Variants in ZDHHC14 observed in about 807,000 individuals in gnomAD.
The protein encoded by ZDHHC14 is zDHHC palmitoyltransferase 14.
ZDHHC14 carries 16 observed loss-of-function variants against 47.7 expected under a neutral mutation model. The observed-to-expected ratio is 0.34, with a 90% CI of 0.23 to 0.51. The LOEUF (loss-of-function observed/expected upper bound fraction) is 0.51, where lower values mean the gene tolerates loss of function less well. ZDHHC14 is among the 20% of genes least tolerant of loss of function. ZDHHC14 has a pLI of 0.97. For synonymous variants in ZDHHC14, 293 were observed against 278.9 expected, an observed-to-expected ratio of 1.05 and a Z score of -0.50; for missense variants, 515 against 662.5, an observed-to-expected ratio of 0.78 and a Z score of 2.44.
intron 1 of ZDHHC14, among the ~76,000 whole-genome samples, chr6:157,426,903 G>C (rs928059070): frequency 2.0e-5 from 3 of 152,242 alleles, no homozygotes; most frequent in African/African-American, 7.2e-5. Context: ...GGGTTGAAAA[G>C]TGACAGCTGG....
chr6:157,545,701 G>A (rs1385248436), intron 2 of ZDHHC14, among the ~76,000 whole-genome samples: 1 of 151,838 alleles, frequency 6.6e-6, no homozygotes, highest in African/African-American at 2.4e-5. Context: ...TAGAAGGAGG[G>A]TGGGAAGGGA....
At chr6:157,455,396 G>A (rs568330085) in intron 1 of ZDHHC14, among the ~76,000 whole-genome samples, 1 of 152,346 alleles carries the variant, frequency 6.6e-6, no homozygotes. Context: ...GGCCTGGAAG[G>A]GTGACGCTGG....
At chr6:157,484,897 C>T (rs775361774) in intron 1 of ZDHHC14, among the ~76,000 whole-genome samples, 1 of 151,724 alleles carries the variant, frequency 6.6e-6, no homozygotes, top group Non-Finnish European at 1.5e-5. Flanking sequence ...AAAATAATAG[C>T]GACCAGCCTG....
chr6:157,580,889 T>G (rs992230317), intron 2 of ZDHHC14, among the ~76,000 whole-genome samples: 3 of 152,086 alleles, frequency 2.0e-5, no homozygotes, highest in African/African-American at 7.2e-5. Context: ...TTGTTGATGT[T>G]TTATATGTTT....
intron 2 of ZDHHC14, among the ~76,000 whole-genome samples, chr6:157,567,771 A>C (rs1782959090): frequency 6.7e-6 from 1 of 148,798 alleles, no homozygotes; most frequent in Non-Finnish European, 1.5e-5. Context: ...AGATCACACC[A>C]TTGCACTCCA....
chr6:157,421,855 G>T (rs374413569), intron 1 of ZDHHC14, among the ~76,000 whole-genome samples: 1 of 152,126 alleles, frequency 6.6e-6, no homozygotes, highest in Non-Finnish European at 1.5e-5. Flanking sequence ...TGATCCACCC[G>T]CCTTGGCCTC....
At chr6:157,483,807 C>A (rs964772306) in intron 1 of ZDHHC14, among the ~76,000 whole-genome samples, 4 of 152,212 alleles carry the variant, frequency 2.6e-5, no homozygotes, top group Admixed American at 1.3e-4. Context: ...TTTTGGGGAA[C>A]TTTAAGATGC....
chr6:157,511,237 C>T (rs902750671), intron 1 of ZDHHC14, among the ~76,000 whole-genome samples: 4 of 152,160 alleles, frequency 2.6e-5, no homozygotes, highest in Non-Finnish European at 5.9e-5. Context: ...AACTGTGGGG[C>T]GGGAAGCAGG....
chr6:157,445,475 A>G (rs1289999957), intron 1 of ZDHHC14, among the ~76,000 whole-genome samples: 3 of 152,158 alleles, frequency 2.0e-5, no homozygotes, highest in Non-Finnish European at 4.4e-5. Context: ...AACAGTTTCT[A>G]TTTTTAAAGC....
chr6:157,551,057 G>T (rs1388045623), intron 2 of ZDHHC14, among the ~76,000 whole-genome samples: 1 of 152,174 alleles, frequency 6.6e-6, no homozygotes, highest in Non-Finnish European at 1.5e-5. Context: ...TGGAAAACTT[G>T]GGACCACATG....
intron 1 of ZDHHC14, among the ~76,000 whole-genome samples, chr6:157,383,502 T>C (rs1286713122): frequency 1.3e-5 from 2 of 152,180 alleles, no homozygotes; most frequent in East Asian, 1.9e-4. Flanking sequence ...GCTGTCTCAA[T>C]TGGAAATGAA....
At chr6:157,445,791 A>G (rs1562427882) in intron 1 of ZDHHC14, among the ~76,000 whole-genome samples, 2 of 151,560 alleles carry the variant, frequency 1.3e-5, no homozygotes, top group East Asian at 1.9e-4. Context: ...GAGAGAGAGA[A>G]AGAGAGAGAG....
chr6:157,482,474 G>A (rs1048585124), intron 1 of ZDHHC14, among the ~76,000 whole-genome samples: 7 of 151,484 alleles, frequency 4.6e-5, no homozygotes, highest in Non-Finnish European at 8.8e-5. Flanking sequence ...GGGTGGTCTC[G>A]AACTCCTGAC....
chr6:157,517,754 G>A (rs948247172), intron 1 of ZDHHC14, among the ~76,000 whole-genome samples: 1 of 152,224 alleles, frequency 6.6e-6, no homozygotes, highest in Non-Finnish European at 1.5e-5. Context: ...GCCCTGCCTC[G>A]CCCTCACGGC....
chr6:157,414,034 T>G (rs1282874982), intron 1 of ZDHHC14, among the ~76,000 whole-genome samples: 2 of 152,132 alleles, frequency 1.3e-5, no homozygotes, highest in African/African-American at 4.8e-5. Flanking sequence ...ACTCCTGGGT[T>G]CAAGCGATTC....
chr6:157,527,145 C>A (rs941336506), intron 1 of ZDHHC14, among the ~76,000 whole-genome samples: 1 of 152,158 alleles, frequency 6.6e-6, no homozygotes, highest in African/African-American at 2.4e-5. Context: ...TCTCTTCTAT[C>A]GCTGCAAGCT....
At chr6:157,423,197 C>T (rs1001751956) in intron 1 of ZDHHC14, among the ~76,000 whole-genome samples, 1 of 152,140 alleles carries the variant, frequency 6.6e-6, no homozygotes, top group African/African-American at 2.4e-5. Flanking sequence ...TTTCATGTGA[C>T]TTTAGGCCTT....
chr6:157,590,476 C>T (rs1468411959), intron 2 of ZDHHC14, among the ~76,000 whole-genome samples: 1 of 152,230 alleles, frequency 6.6e-6, no homozygotes. Flanking sequence ...TCAGAGGGTG[C>T]AAGCCCCAAG....
chr6:157,586,646 G>A lies in ZDHHC14; in HGVS notation c.407-6342G>A, dbSNP rs1200608185. Among the ~76,000 whole-genome samples, 1 of 152,162 alleles carries A rather than the reference G, an allele frequency of 6.6e-6. No individual in the cohort carries two copies. Reference sequence around the variant, plus strand: ...CAAGACTTGCTGTGCTCATCAGACAGCCCAGCAGAGCCCTCCCAGGACCCC... The same window carrying A: ...CAAGACTTGCTGTGCTCATCAGACAACCCAGCAGAGCCCTCCCAGGACCCC... On this transcript the variant is annotated intron_variant, in intron 2 of 8. Coordinates refer to ENST00000359775, the MANE Select transcript of ZDHHC14 (RefSeq NM_024630.3). The surrounding 1 kb of genome is among the most constrained non-coding windows in gnomAD (Gnocchi z 4.6).
Sources: allele counts gnomAD v4.1 joint callset (sites outside exome capture counted in the v4.1 genomes callset), GRCh38; gene constraint gnomAD v4.1.1; non-coding constraint Gnocchi (gnomAD v3.1); transcripts MANE v1.5; gene names NCBI Gene and HGNC (gene_info 2026-07-23, HGNC 2026-07-21).